Variants in LRRC4C observed in about 807,000 individuals in gnomAD.
The protein encoded by LRRC4C is leucine rich repeat containing 4C, also known as leucine-rich repeat-containing protein 4C.
LRRC4C carries 5 observed loss-of-function variants against 33.6 expected under a neutral mutation model. That is an observed-to-expected ratio of 0.15 (90% CI 0.08 to 0.31). The LOEUF (loss-of-function observed/expected upper bound fraction) is 0.31, where lower values mean the gene tolerates loss of function less well. Among genes scored for constraint, LRRC4C ranks in the 10% least tolerant of loss-of-function variants. The pLI is 1.00. For synonymous variants in LRRC4C, 329 were observed against 302.0 expected, an observed-to-expected ratio of 1.09 and a Z score of -0.93; for missense variants, 560 against 796.7, an observed-to-expected ratio of 0.70 and a Z score of 3.58.
At chr11:40,442,476 T>C (rs1373025387) in intron 3 of LRRC4C, among the ~76,000 whole-genome samples, 2 of 152,084 alleles carry the variant, frequency 1.3e-5, no homozygotes, top group Admixed American at 6.6e-5. Flanking sequence ...ATATAAATAA[T>C]TGAAATGTGA....
intron 1 of LRRC4C, among the ~76,000 whole-genome samples, chr11:41,402,522 G>A (rs1018050010): frequency 6.6e-6 from 1 of 151,928 alleles, no homozygotes; most frequent in African/African-American, 2.4e-5. Context: ...TGAGAAATGT[G>A]GAAGACATGC....
intron 3 of LRRC4C, among the ~76,000 whole-genome samples, chr11:40,343,966 T>C (rs897948320): frequency 3.3e-5 from 5 of 151,956 alleles, no homozygotes; most frequent in African/African-American, 7.2e-5. Context: ...GTTGAATCCC[T>C]GAGAAGACCA....
intron 3 of LRRC4C, among the ~76,000 whole-genome samples, chr11:40,528,378 A>G (rs536055797): frequency 1.3e-5 from 2 of 152,318 alleles, no homozygotes; most frequent in East Asian, 1.9e-4. Context: ...TAAATGGCCA[A>G]TAAGTATTAT....
chr11:40,774,853 C>T (rs1235647092), intron 2 of LRRC4C, among the ~76,000 whole-genome samples: 1 of 151,994 alleles, frequency 6.6e-6, no homozygotes, highest in Non-Finnish European at 1.5e-5. Context: ...TAATAGAGTC[C>T]ATATTCTTCT....
intron 2 of LRRC4C, among the ~76,000 whole-genome samples, chr11:40,746,690 A>G (rs1948442401): frequency 6.6e-6 from 1 of 152,132 alleles, no homozygotes; most frequent in Non-Finnish European, 1.5e-5. Context: ...ATCCCAGGCC[A>G]TACAATCAGG....
chr11:40,896,963 A>G (rs1246704471), intron 2 of LRRC4C, among the ~76,000 whole-genome samples: 1 of 152,166 alleles, frequency 6.6e-6, no homozygotes, highest in Non-Finnish European at 1.5e-5. Flanking sequence ...CTAAAGTACT[A>G]GGAGAGTTTT....
chr11:41,282,708 T>A (rs1949711795), intron 1 of LRRC4C, among the ~76,000 whole-genome samples: 1 of 152,172 alleles, frequency 6.6e-6, no homozygotes, highest in South Asian at 2.1e-4. Context: ...AGGGAATGCA[T>A]TTTTAGGGCA....
At chr11:40,337,371 C>T (rs1946675512) in intron 3 of LRRC4C, among the ~76,000 whole-genome samples, 1 of 152,110 alleles carries the variant, frequency 6.6e-6, no homozygotes, top group African/African-American at 2.4e-5. Context: ...CTAGCTCCTG[C>T]GCAGAGGGTG....
chr11:40,280,150 A>T (rs9300034), intron 4 of LRRC4C, among the ~76,000 whole-genome samples: 12,025 of 152,178 alleles, frequency 0.079, 608 homozygotes, highest in African/African-American at 0.13. Context: ...ATTTCCTCTC[A>T]ATAAACACCT....
chr11:40,551,631 T>G (rs1957130568), intron 3 of LRRC4C, among the ~76,000 whole-genome samples: 1 of 152,196 alleles, frequency 6.6e-6, no homozygotes, highest in Non-Finnish European at 1.5e-5. Flanking sequence ...CCCCACTCCT[T>G]TTCCATATGG....
chr11:40,524,372 A>G (rs1475887980), intron 3 of LRRC4C, among the ~76,000 whole-genome samples: 2 of 152,178 alleles, frequency 1.3e-5, no homozygotes, highest in Admixed American at 6.5e-5. Context: ...TTTCTACACA[A>G]ATTTATTGTA....
chr11:41,097,036 C>T (rs1032472280), intron 1 of LRRC4C, among the ~76,000 whole-genome samples: 2 of 152,120 alleles, frequency 1.3e-5, no homozygotes, highest in African/African-American at 4.8e-5. Context: ...CAAGTTCCTA[C>T]CCACTGAAGC....
At chr11:41,005,632 G>T (rs1197171092) in intron 1 of LRRC4C, among the ~76,000 whole-genome samples, 3 of 151,694 alleles carry the variant, frequency 2.0e-5, no homozygotes, top group Admixed American at 2.0e-4. Flanking sequence ...AAAAAAAGCT[G>T]CCCCTGGCGC....
At chr11:40,892,797 T>C (rs1352159511) in intron 2 of LRRC4C, among the ~76,000 whole-genome samples, 2 of 152,212 alleles carry the variant, frequency 1.3e-5, no homozygotes, top group Admixed American at 6.5e-5. Context: ...GAATATAAGT[T>C]ATTGTTTAAT....
At chr11:41,257,484 C>T (rs1181151433) in intron 1 of LRRC4C, among the ~76,000 whole-genome samples, 2 of 151,954 alleles carry the variant, frequency 1.3e-5, no homozygotes, top group African/African-American at 4.8e-5. Flanking sequence ...TGGTTCAGTG[C>T]CTACCTGAGT....
chr11:40,442,018 C>T (rs1391620534), intron 3 of LRRC4C, among the ~76,000 whole-genome samples: 1 of 151,862 alleles, frequency 6.6e-6, no homozygotes, highest in Admixed American at 6.6e-5. Context: ...AAAAAATTAG[C>T]TGGATGTGGT....
chr11:40,143,678 C>T (rs555724979), intron 5 of LRRC4C, among the ~76,000 whole-genome samples: 2 of 152,276 alleles, frequency 1.3e-5, no homozygotes, highest in East Asian at 3.9e-4. Flanking sequence ...GAGGTCTTCC[C>T]TGGTTATGTT....
At chr11:40,365,817 G>A (rs572102717) in intron 3 of LRRC4C, among the ~76,000 whole-genome samples, 1 of 151,942 alleles carries the variant, frequency 6.6e-6, no homozygotes, top group Non-Finnish European at 1.5e-5. Context: ...GGTTGTATGA[G>A]GGATAGACCT....
rs533897645 is a variant in LRRC4C at position 40,596,293 on chromosome 11, T to C, written c.-270+51849A>G. ...TTTATTAAAAAACATATAAACCCAATAGTCTTTTTTCTCTTTTATATTATT... is the reference window on the plus strand; with the variant it reads ...TTTATTAAAAAACATATAAACCCAACAGTCTTTTTTCTCTTTTATATTATT... On this transcript the variant is annotated intron_variant, in intron 3 of 6. Coordinates refer to ENST00000528697, the MANE Select transcript of LRRC4C (RefSeq NM_001258419.2). 6.7e-4 allele frequency among the ~76,000 whole-genome samples: 102 copies of C among 152,244 alleles called. No individual in the cohort carries two copies. In the Middle Eastern group the frequency reaches 0.014, roughly 20 times the overall value.
Sources: gnomAD v4.1 joint callset for allele counts (sites outside exome capture counted in the v4.1 genomes callset) on GRCh38, gnomAD v4.1.1 for gene constraint, MANE v1.5 for transcripts, NCBI Gene and HGNC (gene_info 2026-07-23, HGNC 2026-07-21) for gene names.